Variants in ARHGAP21 observed in about 807,000 individuals in gnomAD.
ARHGAP21 encodes Rho GTPase activating protein 21, also known as rho GTPase-activating protein 21.
Under a neutral mutation model 164.6 loss-of-function variants are expected in ARHGAP21, and 38 were observed. The ratio of observed to expected loss-of-function variants is 0.23; its 90% CI spans 0.18 to 0.30. The LOEUF is 0.30. Among genes scored for constraint, ARHGAP21 ranks in the 10% least tolerant of loss-of-function variants. The pLI is 1.00. For missense variants in ARHGAP21, 1,822 were observed against 2,370.7 expected, an observed-to-expected ratio of 0.77 and a Z score of 4.81; for synonymous variants, 766 against 857.9, an observed-to-expected ratio of 0.89 and a Z score of 1.87.
chr10:24,714,463 T>G (rs141133159), intron 2 of ARHGAP21: 20 of 152,288 alleles, frequency 1.3e-4, no homozygotes, highest in African/African-American at 4.8e-4. Context: ...ATGGCTCTTA[T>G]CTAGTGATAG....
At chr10:24,718,214 G>C (rs1044056115) in intron 2 of ARHGAP21, among the ~76,000 whole-genome samples, 1 of 152,184 alleles carries the variant, frequency 6.6e-6, no homozygotes, top group African/African-American at 2.4e-5. Context: ...CCAATAAATA[G>C]ATGGTAGTGC....
chr10:24,688,413 G>T (rs1007952292), intron 2 of ARHGAP21, among the ~76,000 whole-genome samples: 1 of 151,960 alleles, frequency 6.6e-6, no homozygotes, highest in African/African-American at 2.4e-5. Context: ...ATTCAATTTG[G>T]TTATTCACCA....
At chr10:24,690,217 G>A (rs1220615138) in intron 2 of ARHGAP21, among the ~76,000 whole-genome samples, 1 of 152,060 alleles carries the variant, frequency 6.6e-6, no homozygotes. Context: ...CAGTGTCTAT[G>A]AAAAACCATT....
intron 4 of ARHGAP21, among the ~76,000 whole-genome samples, chr10:24,635,757 G>C (rs1440647075): frequency 6.6e-6 from 1 of 152,134 alleles, no homozygotes; most frequent in Non-Finnish European, 1.5e-5. Flanking sequence ...ATATTGGCCA[G>C]GCTGGTCTCG....
At chr10:24,707,455 T>C (rs1297991063) in intron 2 of ARHGAP21, among the ~76,000 whole-genome samples, 2 of 152,196 alleles carry the variant, frequency 1.3e-5, no homozygotes, top group African/African-American at 4.8e-5. Flanking sequence ...TGAAGTCACC[T>C]CAACCTGTGA....
chr10:24,598,505 G>A (rs2076676487), intron 14 of ARHGAP21, among the ~76,000 whole-genome samples: 1 of 152,142 alleles, frequency 6.6e-6, no homozygotes, highest in Non-Finnish European at 1.5e-5. Context: ...AGTATCACAA[G>A]CGGCAGTTAC....
In ARHGAP21 at chr10:24,597,411, C is replaced by T. The variant is rs568528189; in HGVS notation, c.3334+36G>A. The T allele has an allele frequency of 1.5e-4, 237 of 1,597,978 alleles. 3 individuals carry two copies. The South Asian group carries it at 2.6e-3, about 17-fold the overall frequency. ...TACCTCAACGATGCCAATTTTAAAT[C>T]ATTATATTTATTTGTTAGAAAGCTA... On this transcript the variant is annotated intron_variant, in intron 16 of 25. Transcript: ENST00000396432.
intron 7 of ARHGAP21, among the ~76,000 whole-genome samples, chr10:24,623,636 T>C (rs963782547): frequency 4.6e-5 from 7 of 152,208 alleles, no homozygotes; most frequent in Non-Finnish European, 8.8e-5. Context: ...AATACTGTAC[T>C]GTCTGGTACA....
chr10:24,585,873 G>C lies in ARHGAP21; in HGVS notation c.4416C>G (p.Ile1472Met), dbSNP rs768921548. Residue 1472 changes from isoleucine (I) to methionine (M), a missense_variant, in exon 26 of 26, where the codon ATC (isoleucine) becomes ATG (methionine). Ile to Met is a conservative substitution (Grantham distance 10, BLOSUM62 1). Coordinates refer to ENST00000396432, the MANE Select transcript of ARHGAP21 (RefSeq NM_020824.4). Reference protein sequence around the residue: ...SETLGRKQKIIIAKENSTRKD... With the variant: ...SETLGRKQKIMIAKENSTRKD... ...TCCTAGTGCTGTTTTCTTTGGCAATGATGATCTTCTGTTTTCTGCCCAGTG... is the reference window on the plus strand; with the variant it reads ...TCCTAGTGCTGTTTTCTTTGGCAATCATGATCTTCTGTTTTCTGCCCAGTG... The C allele has an allele frequency of 6.2e-7, 1 of 1,613,986 alleles. No homozygotes were observed. Among genetic ancestry groups the C allele is most frequent in the Non-Finnish European group, 8.5e-7 (1 of 1,179,892 alleles).
chr10:24,661,265 C>T (rs1226060002), intron 4 of ARHGAP21, among the ~76,000 whole-genome samples: 1 of 151,358 alleles, frequency 6.6e-6, no homozygotes, highest in Non-Finnish European at 1.5e-5. Flanking sequence ...TTTTACTTAA[C>T]CTTTTTCTTA....
chr10:24,670,727 G>A (rs976827268), intron 2 of ARHGAP21, among the ~76,000 whole-genome samples: 3 of 152,016 alleles, frequency 2.0e-5, no homozygotes, highest in African/African-American at 7.2e-5. Flanking sequence ...ATTTTAAAGA[G>A]CACTATGGAT....
rs892366838 is a variant in ARHGAP21, at chr10:24,597,971, T to C, written c.3171A>G (p.Arg1057=). 6.2e-7 allele frequency: 1 copy of C among 1,613,408 alleles called. No homozygotes were observed. Among genetic ancestry groups the C allele is most frequent in the African/African-American group, 1.3e-5 (1 of 74,922 alleles). Residue 1057 remains arginine, a synonymous_variant, in exon 15 of 26, where the codon AGA becomes AGG. Coordinates refer to ENST00000396432, the MANE Select transcript of ARHGAP21 (RefSeq NM_020824.4). ...GVTNRDLISR[R]IKEYNNLMSK... Reference sequence around the variant, plus strand: ...TCATCAGATTGTTGTATTCTTTTATTCTTCGACTAATTAGATCCCTGTTAG... The same window carrying C: ...TCATCAGATTGTTGTATTCTTTTATCCTTCGACTAATTAGATCCCTGTTAG...
chr10:24,590,082 T>G, intron 24 of ARHGAP21: 1 of 858,426 alleles, frequency 1.2e-6, no homozygotes, highest in South Asian at 3.6e-5. Flanking sequence ...TAATACCAAT[T>G]TTGAAGTTTC....
chr10:24,659,440 C>CCT (rs1168564525), intron 4 of ARHGAP21, among the ~76,000 whole-genome samples: 5 of 152,190 alleles, frequency 3.3e-5, no homozygotes. Context: ...CTCAGCCTTG[C>CCT]GAGTAGCTGG....
rs141314388 is a variant in ARHGAP21 at position 24,584,423 on chromosome 10, G to A, written c.5866C>T (p.Pro1956Ser). ...GACATACCCCCAGTTTAAAGACAGG[G>A]ATGAAACTCTGCTTTACTGCCTGGG... is the stretch of plus-strand genomic sequence containing the variant. The part of the protein sequence containing the change: ...ETPGSKAEFH[P>S]CL The change falls in exon 26 of 26, where the codon CCC becomes TCC. Residue 1956 changes from proline to serine, a missense_variant. By Grantham distance (74) the Pro-to-Ser change is moderately conservative (BLOSUM62 -1). This residue lies in a region of ARHGAP21 where 165 missense variants were observed against 176.6 expected (regional missense o/e 0.93). Coordinates refer to ENST00000396432, the MANE Select transcript of ARHGAP21 (RefSeq NM_020824.4). 5 of 1,606,602 alleles carry A rather than the reference G, an allele frequency of 3.1e-6. No homozygotes were observed. Among genetic ancestry groups the A allele is most frequent in the Admixed American group, 1.7e-5 (1 of 59,238 alleles).
intron 4 of ARHGAP21, among the ~76,000 whole-genome samples, chr10:24,660,566 C>T (rs143563432): frequency 3.3e-5 from 5 of 151,942 alleles, no homozygotes; most frequent in Non-Finnish European, 5.9e-5. Context: ...CCCATCAGTA[C>T]AGGATACCTT....
intron 3 of ARHGAP21, among the ~76,000 whole-genome samples, chr10:24,667,241 G>T (rs951254536): frequency 1.3e-5 from 2 of 152,184 alleles, no homozygotes; most frequent in African/African-American, 4.8e-5. Context: ...TGGAAAGATA[G>T]AGTTTTCACA....
chr10:24,625,803 T>C (rs1040665095), intron 7 of ARHGAP21, among the ~76,000 whole-genome samples: 5 of 152,168 alleles, frequency 3.3e-5, no homozygotes, highest in African/African-American at 1.2e-4. Flanking sequence ...TTAAATTACA[T>C]TTTTCAAATT....
intron 12 of ARHGAP21, among the ~76,000 whole-genome samples, chr10:24,602,529 G>A (rs2076855943): frequency 1.3e-5 from 2 of 152,108 alleles, no homozygotes; most frequent in Non-Finnish European, 1.5e-5. Context: ...AAGGTCAGAG[G>A]GAAGAGAGTT....
Sources: allele counts gnomAD v4.1 joint callset (sites outside exome capture counted in the v4.1 genomes callset), GRCh38; gene constraint gnomAD v4.1.1; regional missense constraint gnomAD v4.1.1; transcripts MANE v1.5; gene names NCBI Gene and HGNC (gene_info 2026-07-23, HGNC 2026-07-21).